Variants in TAX1BP1 observed in about 807,000 individuals in gnomAD.
TAX1BP1 encodes Tax1 binding protein 1, also known as tax1-binding protein 1.
Under a neutral mutation model 97.7 loss-of-function variants are expected in TAX1BP1, and 62 were observed. The observed-to-expected ratio is 0.63, with a 90% CI of 0.52 to 0.78. The LOEUF is 0.78. Ranked by LOEUF, TAX1BP1 falls within the 30% of genes least tolerant of loss-of-function variation. TAX1BP1 has a pLI of 0.00. For synonymous variants in TAX1BP1, 340 were observed against 304.2 expected (o/e 1.12, Z -1.23); for missense variants, 867 against 916.1 (o/e 0.95, Z 0.69).
At chr7:27,760,379 T>C (rs915968597) in intron 3 of TAX1BP1, among the ~76,000 whole-genome samples, 1 of 149,994 alleles carries the variant, frequency 6.7e-6, no homozygotes, top group Admixed American at 6.8e-5. Context: ...ACATTTCTAG[T>C]ATTATTTATT....
chr7:27,750,081 G>A (rs1487965884), intron 2 of TAX1BP1, among the ~76,000 whole-genome samples: 1 of 152,080 alleles, frequency 6.6e-6, no homozygotes, highest in Non-Finnish European at 1.5e-5. Flanking sequence ...GTGAGCCACC[G>A]CACCTGGCCT....
At chr7:27,821,428 C>T (rs1048752461) in intron 15 of TAX1BP1, among the ~76,000 whole-genome samples, 2 of 151,736 alleles carry the variant, frequency 1.3e-5, no homozygotes, top group South Asian at 2.1e-4. Flanking sequence ...GTCAGGAGTT[C>T]GAGACCAGCC....
At chr7:27,817,825 A>G (rs1417269034) in intron 15 of TAX1BP1, among the ~76,000 whole-genome samples, 1 of 152,072 alleles carries the variant, frequency 6.6e-6, no homozygotes, top group Non-Finnish European at 1.5e-5. Context: ...TTGCAAGTAC[A>G]GTGGTATCAT....
Position 27,799,990 on chromosome 7 carries a change from A to G in TAX1BP1, c.1664A>G (p.Tyr555Cys). The change falls in exon 13 of 17, where the codon TAT becomes TGT. Residue 555 changes from tyrosine to cysteine, a missense_variant. Tyr to Cys is a radical substitution (Grantham distance 194). Transcript: ENST00000396319. ...LQDEKAKCNK[Y>C]ADELAKMELK... ...GATGAGAAAGCAAAATGCAATAAAT[A>G]TGCTGATGAACTTGCAAAAATGGAG... is the stretch of plus-strand genomic sequence containing the variant. 6.2e-7 allele frequency: 1 copy of G among 1,601,300 alleles called. No individual in the cohort carries two copies. The highest frequency in any genetic ancestry group is 8.5e-7 in the Non-Finnish European group (1 of 1,175,414).
chr7:27,798,036 T>C lies in TAX1BP1; in HGVS notation c.1638+1817T>C, dbSNP rs117869747. ...TTCGTTATCCTTATCTCTAGGAAAT[T>C]ATTGGCCTGCTTTCTGTCACTATCA... On this transcript the variant is annotated intron_variant, in intron 12 of 16. Coordinates refer to ENST00000396319, the MANE Select transcript of TAX1BP1 (RefSeq NM_006024.7). Among the ~76,000 whole-genome samples, 912 of 152,270 alleles carry C rather than the reference T, an allele frequency of 6.0e-3. 2 individuals are homozygous for C. The highest frequency in any genetic ancestry group is 9.8e-3 in the Admixed American group (150 of 15,294).
rs1583714834 is a variant in TAX1BP1, at chr7:27,794,248, T to C, written c.1411-75T>C. 5.6e-6 allele frequency: 7 copies of C among 1,255,456 alleles called. No individual in the cohort carries two copies. The East Asian group carries it at 1.8e-4, about 32-fold the overall frequency. The allele number at this position is 1,255,456 out of a possible 1,614,324, so 77.8% of individuals were successfully genotyped here. On this transcript the variant is annotated intron_variant, in intron 10 of 16. Transcript: ENST00000396319. Reference sequence around the variant, plus strand: ...CCTAAAGTAATATGTAAAAATATTATTTACTTAGTTACTGCAAGGAGGAAA... The same window carrying C: ...CCTAAAGTAATATGTAAAAATATTACTTACTTAGTTACTGCAAGGAGGAAA...
At chr7:27,786,423 TTTTA>T (rs1040817008) in intron 7 of TAX1BP1, among the ~76,000 whole-genome samples, 9 of 152,198 alleles carry the variant, frequency 5.9e-5, no homozygotes, top group African/African-American at 7.2e-5. Flanking sequence ...GCCTGGCAGT[TTTTA>T]TTTATTTATT....
chr7:27,766,518 C>T (rs1788651119), intron 4 of TAX1BP1, among the ~76,000 whole-genome samples: 1 of 135,576 alleles, frequency 7.4e-6, no homozygotes, highest in African/African-American at 2.8e-5. Context: ...TTTTGAAATG[C>T]TTAAAAAAAT....
At position 27,809,437 on chromosome 7, in the gene TAX1BP1, C is replaced by T. The variant is rs141359651; in HGVS notation, c.1765-6912C>T. Among the ~76,000 whole-genome samples the T allele has an allele frequency of 1.2e-3, 175 of 152,022 alleles. 1 individual carries two copies. Among genetic ancestry groups the T allele is most frequent in the Non-Finnish European group, 1.5e-3 (105 of 67,978 alleles). On this transcript the variant is annotated intron_variant, in intron 13 of 16. Transcript: ENST00000396319. ...TAGTGAATAGATACAATTTTTTTTGCCCATGTAAGTTCATGGACCTCCTGA... is the reference window on the plus strand; with the variant it reads ...TAGTGAATAGATACAATTTTTTTTGTCCATGTAAGTTCATGGACCTCCTGA...
At chr7:27,741,247 T>C (rs527473269) in intron 1 of TAX1BP1, among the ~76,000 whole-genome samples, 1 of 152,342 alleles carries the variant, frequency 6.6e-6, no homozygotes, top group Admixed American at 6.5e-5. Context: ...GTTACAAGTT[T>C]GGTGCTCAAT....
chr7:27,805,133 C>T (rs1237865689), intron 13 of TAX1BP1, among the ~76,000 whole-genome samples: 1 of 152,190 alleles, frequency 6.6e-6, no homozygotes, highest in Non-Finnish European at 1.5e-5. Flanking sequence ...TTTTCGTTTC[C>T]ACCAGCAATG....
chr7:27,769,302 A>G (rs1321281785), intron 4 of TAX1BP1, among the ~76,000 whole-genome samples: 1 of 151,976 alleles, frequency 6.6e-6, no homozygotes, highest in Non-Finnish European at 1.5e-5. Flanking sequence ...TGCATTCAAG[A>G]AGAGGTACAA....
At chr7:27,824,818 A>G (rs1284502900) in intron 15 of TAX1BP1, among the ~76,000 whole-genome samples, 2 of 152,176 alleles carry the variant, frequency 1.3e-5, no homozygotes, top group African/African-American at 4.8e-5. Context: ...AGTAATATTA[A>G]TAAAAGTTTT....
At chr7:27,742,174 T>C (rs539679114) in intron 1 of TAX1BP1, among the ~76,000 whole-genome samples, 9 of 152,188 alleles carry the variant, frequency 5.9e-5, no homozygotes, top group African/African-American at 1.4e-4. Context: ...CTTCCTCTTA[T>C]ACTAATCCTC....
intron 5 of TAX1BP1, among the ~76,000 whole-genome samples, chr7:27,783,127 A>G (rs1354445766): frequency 6.6e-6 from 1 of 152,110 alleles, no homozygotes; most frequent in Non-Finnish European, 1.5e-5. Flanking sequence ...CTTTGCCCCA[A>G]TTTTTATGAT....
chr7:27,770,437 CTTGT>C (rs762036996), intron 5 of TAX1BP1, among the ~76,000 whole-genome samples: 2 of 152,008 alleles, frequency 1.3e-5, no homozygotes, highest in Non-Finnish European at 2.9e-5. Context: ...TAGTCATTGA[CTTGT>C]TTATTTAATA....
chr7:27,739,719 G>A (rs1195557497), upstream of TAX1BP1: 2 of 152,146 alleles, frequency 1.3e-5, no homozygotes, highest in Non-Finnish European at 2.9e-5. Context: ...TGGTGCTCAG[G>A]GGTTTGCAGC....
chr7:27,816,166 A>C lies in TAX1BP1; in HGVS notation c.1765-183A>C, dbSNP rs1016638696. On this transcript the variant is annotated intron_variant, in intron 13 of 16. Transcript: ENST00000396319. ...CTTTATCCTGCTTTCTGATTTTGTTATATGTGGAGGATACATTTATGAGAA... is the reference window on the plus strand; with the variant it reads ...CTTTATCCTGCTTTCTGATTTTGTTCTATGTGGAGGATACATTTATGAGAA... Among the ~76,000 whole-genome samples, 4 of 152,238 alleles carry C rather than the reference A, an allele frequency of 2.6e-5. No individual in the cohort carries two copies. In the East Asian group the frequency reaches 7.7e-4, roughly 29 times the overall value.
intron 5 of TAX1BP1, among the ~76,000 whole-genome samples, chr7:27,781,373 C>T (rs927541620): frequency 2.0e-5 from 3 of 152,142 alleles, no homozygotes; most frequent in Non-Finnish European, 2.9e-5. Flanking sequence ...CTACTGCGCA[C>T]CTAGGCTATA....
Sources: allele counts gnomAD v4.1 joint callset (sites outside exome capture counted in the v4.1 genomes callset), GRCh38; gene constraint gnomAD v4.1.1; transcripts MANE v1.5; gene names NCBI Gene and HGNC (gene_info 2026-07-23, HGNC 2026-07-21).